Variants in WFDC6 observed in about 807,000 individuals in gnomAD.
WFDC6 encodes WAP four-disulfide core domain protein 6.
A neutral mutation model predicts 8.2 loss-of-function variants in WFDC6; 10 were observed. The ratio of observed to expected loss-of-function variants is 1.22; its 90% confidence interval spans 0.75 to 2.07. The LOEUF is 2.07. WFDC6 is among the 30% of genes most tolerant of loss of function. The probability of loss-of-function intolerance (pLI) is 0.00; values close to 1 mark genes in which losing one functional copy is unlikely to be tolerated. For missense variants in WFDC6, 105 were observed against 104.9 expected, an observed-to-expected ratio of 1.00 and a Z score of 0.00; for synonymous variants, 28 against 37.0, an observed-to-expected ratio of 0.76 and a Z score of 0.88.
intron 2 of WFDC6, among the ~76,000 whole-genome samples, chr20:45,537,743 A>G (rs1262471122): frequency 1.3e-5 from 2 of 152,248 alleles, no homozygotes; most frequent in South Asian, 2.1e-4. Context: ...AGGCCCAGAA[A>G]GGAAAACTAC....
In WFDC6 at chr20:45,536,468, T is replaced by G. The variant is rs187830485; in HGVS notation, c.222+1496A>C. ...CTTAGTAGTTGACATCTATTAACAT[T>G]TAATCTTGTAAAGTAGGTCCTCTCA... On this transcript the variant is annotated intron_variant, in intron 2 of 2. Coordinates refer to ENST00000372670, the MANE Select transcript of WFDC6 (RefSeq NM_080827.2). Among the ~76,000 whole-genome samples the G allele has an allele frequency of 1.7e-3, 264 of 152,286 alleles. 1 individual carries two copies. Among genetic ancestry groups the G allele is most frequent in the African/African-American group, 6.2e-3 (258 of 41,558 alleles).
chr20:45,538,214 A>G, intron 1 of WFDC6, 120 bp from the exon 2 acceptor site: 1 of 1,543,568 alleles, frequency 6.5e-7, no homozygotes, highest in Non-Finnish European at 8.8e-7. Flanking sequence ...TATCCCCAGA[A>G]GGTAGTGGCC....
At position 45,539,320 on chromosome 20, in the gene WFDC6, C is replaced by T; in HGVS notation, c.88G>A (p.Gly30Ser). The part of the protein sequence containing the change: ...QEPGHAEGIL[G>S]KPCPKIKVEC... ...GGACGGAGTTCCCAATACTTACTGC[C>T]AAGGATGCCTTCAGCGTGCCCAGGT... Residue 30 changes from glycine to serine, a missense_variant, in exon 1 of 3, where the codon GGC (glycine) becomes AGC (serine). Transcript: ENST00000372670. The T allele has an allele frequency of 1.2e-6, 2 of 1,613,770 alleles. No individual in the cohort carries two copies. The highest frequency in any genetic ancestry group is 1.3e-5 in the African/African-American group (1 of 74,992).
intron 2 of WFDC6, chr20:45,535,026 T>A: frequency 4.5e-6 from 3 of 668,860 alleles, no homozygotes; most frequent in Non-Finnish European, 6.5e-6. Flanking sequence ...CAAAATATCC[T>A]TCTACTTATA....
intron 2 of WFDC6, among the ~76,000 whole-genome samples, chr20:45,536,098 A>T (rs1568986135): frequency 6.6e-6 from 1 of 152,048 alleles, no homozygotes. Context: ...TTGCACACAC[A>T]TTTATCATTT....
At chr20:45,537,658 C>G in intron 2 of WFDC6, 2 of 1,259,778 alleles carry the variant, frequency 1.6e-6, no homozygotes, top group Non-Finnish European at 2.3e-6. Context: ...TACTTGGCAT[C>G]TCGAGAATCA....
intron 2 of WFDC6, chr20:45,537,523 C>T: frequency 2.6e-6 from 4 of 1,549,302 alleles, no homozygotes; most frequent in Non-Finnish European, 3.5e-6. Flanking sequence ...TCAGGGAAGG[C>T]ATCCTGGATT....
intron 1 of WFDC6, 53 bp from the exon 2 acceptor site, chr20:45,538,147 C>T (rs1979442079): frequency 3.1e-6 from 5 of 1,611,638 alleles, no homozygotes; most frequent in Middle Eastern, 1.7e-4. Context: ...CCAGTGCTCC[C>T]CCTCCCCGAG....
chr20:45,539,246 A>G (rs1354809812), intron 1 of WFDC6, 71 bp downstream of exon 1: 5 of 1,477,060 alleles, frequency 3.4e-6, no homozygotes, highest in African/African-American at 2.8e-5. Context: ...CAGCTGCAAA[A>G]TTATTCTTTG....
Position 45,537,955 on chromosome 20 carries a change from C to CT in WFDC6, c.222+8dup. 1 of 1,613,906 alleles carries CT rather than the reference C, an allele frequency of 6.2e-7. No homozygotes were observed. The highest frequency in any genetic ancestry group is 8.5e-7 in the Non-Finnish European group (1 of 1,179,872). Reference sequence around the variant, plus strand: ...GGGCACTGGGTAATTTAGGAAGCATCTGAGTTACCTTTCTGAAGTCTAAAC... The same window carrying CT: ...GGGCACTGGGTAATTTAGGAAGCATCTTGAGTTACCTTTCTGAAGTCTAAAC... On this transcript the variant is annotated intron_variant, in intron 2 of 2. Coordinates refer to ENST00000372670, the MANE Select transcript of WFDC6 (RefSeq NM_080827.2).
chr20:45,537,302 C>T (rs1222819798), intron 2 of WFDC6: 1 of 576,418 alleles, frequency 1.7e-6, no homozygotes, highest in Admixed American at 3.0e-5. Context: ...GGTCTAAGTA[C>T]TCATCTTTCA....
In WFDC6 at chr20:45,537,661, G is replaced by A. The variant is rs1228031002; in HGVS notation, c.222+303C>T. Reference sequence around the variant, plus strand: ...GACTTTGGTGACTACTTGGCATCTCGAGAATCACTGAAGAGTAGCCAAGAG... The same window carrying A: ...GACTTTGGTGACTACTTGGCATCTCAAGAATCACTGAAGAGTAGCCAAGAG... On this transcript the variant is annotated intron_variant, in intron 2 of 2. Coordinates refer to ENST00000372670, the MANE Select transcript of WFDC6 (RefSeq NM_080827.2). 1.5e-5 allele frequency: 18 copies of A among 1,234,014 alleles called. 1 individual carries two copies. The highest frequency in any genetic ancestry group is 4.4e-4 in the Middle Eastern group (2 of 4,578). 76.4% of individuals were successfully genotyped at this position (1,234,014 alleles called of 1,614,324 possible). A position where few individuals can be genotyped will look rare whatever the true frequency, so the allele number is the denominator to read the frequency against.
rs951854581 is a variant in WFDC6 at position 45,539,300 on chromosome 20, G to GAC, written c.91+16_91+17insGT. ...GTTTCCTTTCCCCATTGCAAGGACG[G>GAC]AGTTCCCAATACTTACTGCCAAGGA... is the stretch of plus-strand genomic sequence containing the variant. On this transcript the variant is annotated intron_variant, in intron 1 of 2. Transcript: ENST00000372670. 56 of 1,612,244 alleles carry GAC rather than the reference G, an allele frequency of 3.5e-5. No individual in the cohort carries two copies. Among genetic ancestry groups the GAC allele is most frequent in the Non-Finnish European group, 4.8e-5 (56 of 1,178,618 alleles).
At chr20:45,536,412 C>T (rs1291527424) in intron 2 of WFDC6, among the ~76,000 whole-genome samples, 6 of 152,074 alleles carry the variant, frequency 3.9e-5, no homozygotes, top group Admixed American at 3.9e-4. Context: ...GTCAGCACAA[C>T]AAAACAACAA....
chr20:45,539,035 G>A (rs940319156), intron 1 of WFDC6, among the ~76,000 whole-genome samples: 1 of 152,082 alleles, frequency 6.6e-6, no homozygotes, highest in Non-Finnish European at 1.5e-5. Context: ...ACTTCCTTGG[G>A]CTTACTACTC....
chr20:45,536,719 A>C (rs1046957935), intron 2 of WFDC6: 1 of 152,222 alleles, frequency 6.6e-6, no homozygotes, highest in African/African-American at 2.4e-5. Context: ...TTCTCAGCCC[A>C]CATATTCATG....
chr20:45,536,398 T>G (rs1979366868), intron 2 of WFDC6, among the ~76,000 whole-genome samples: 1 of 152,202 alleles, frequency 6.6e-6, no homozygotes, highest in Admixed American at 6.5e-5. Context: ...TAGCATTGAT[T>G]AGTGTCAGCA....
intron 1 of WFDC6, 79 bp downstream of exon 1, chr20:45,539,238 G>T: frequency 2.1e-6 from 3 of 1,411,028 alleles, no homozygotes; most frequent in South Asian, 1.2e-5. Flanking sequence ...TAATTTCTCA[G>T]CTGCAAAATT....
rs142204954 is a variant in WFDC6, at chr20:45,536,414, AAAC to A, written c.222+1547_222+1549del. ...AGCATTGATTAGTGTCAGCACAACA[AAAC>A]AACAATTATAGCATTGATTAGTGTT... On this transcript the variant is annotated intron_variant, in intron 2 of 2. Transcript: ENST00000372670. Among the ~76,000 whole-genome samples the A allele has an allele frequency of 9.1e-3, 1,392 of 152,308 alleles. 20 individuals carry two copies. The highest frequency in any genetic ancestry group is 0.031 in the African/African-American group (1,287 of 41,558).
Sources: gnomAD v4.1 joint callset for allele counts (sites outside exome capture counted in the v4.1 genomes callset) on GRCh38, gnomAD v4.1.1 for gene constraint, MANE v1.5 for transcripts, NCBI Gene and HGNC (gene_info 2026-07-23, HGNC 2026-07-21) for gene names.